The following KSR2 variants were observed in gnomAD, a reference collection of about 807,000 sequenced individuals.
KSR2 encodes the protein kinase suppressor of ras 2.
A neutral mutation model predicts 107.8 loss-of-function variants in KSR2; 25 were observed. That is an observed-to-expected ratio of 0.23 (90% confidence interval 0.17 to 0.32). The LOEUF (loss-of-function observed/expected upper bound fraction) is 0.32, where lower values mean the gene tolerates loss of function less well. KSR2 is among the 10% of genes least tolerant of loss of function. The pLI, the probability that KSR2 is intolerant of heterozygous loss-of-function variation, is 1.00. For missense variants in KSR2, 887 were observed against 1,268.9 expected, an observed-to-expected ratio of 0.70 and a Z score of 4.57; for synonymous variants, 480 against 507.0, an observed-to-expected ratio of 0.95 and a Z score of 0.71.
intron 5 of KSR2, among the ~76,000 whole-genome samples, chr12:117,601,041 G>A (rs1261886179): frequency 6.6e-6 from 1 of 152,118 alleles, no homozygotes; most frequent in Non-Finnish European, 1.5e-5. Context: ...ACCGTGCCTG[G>A]TGGCTGTAGG....
intron 6 of KSR2, among the ~76,000 whole-genome samples, chr12:117,579,970 G>A (rs931196138): frequency 8.5e-5 from 13 of 152,180 alleles, no homozygotes; most frequent in African/African-American, 3.1e-4. Context: ...ATATGAGGCA[G>A]CAGCAGGACT....
chr12:117,924,027 C>T (rs577091216), intron 1 of KSR2, among the ~76,000 whole-genome samples: 22 of 150,888 alleles, frequency 1.5e-4, no homozygotes, highest in Non-Finnish European at 5.9e-5. Flanking sequence ...TACAGGCATG[C>T]GCCACCACGC....
At chr12:117,848,099 C>T (rs2592295) in intron 3 of KSR2, among the ~76,000 whole-genome samples, 11,487 of 152,218 alleles carry the variant, frequency 0.075, 578 homozygotes, top group Non-Finnish European at 0.12. Context: ...ATTATCTTGA[C>T]CAGAGGTTTT....
At chr12:117,696,712 G>T (rs1886074661) in intron 4 of KSR2, among the ~76,000 whole-genome samples, 1 of 152,160 alleles carries the variant, frequency 6.6e-6, no homozygotes, top group African/African-American at 2.4e-5. Context: ...TACCTATTAT[G>T]TTCATTAATG....
intron 1 of KSR2, among the ~76,000 whole-genome samples, chr12:117,906,052 T>TAA (rs56062908): frequency 6.6e-6 from 1 of 151,690 alleles, no homozygotes; most frequent in Non-Finnish European, 1.5e-5. Context: ...GAGAAACACT[T>TAA]AAAAAAACCG....
In KSR2 at chr12:117,710,915, G is replaced by A. The variant is rs569594252; in HGVS notation, c.987-43257C>T. ...CTGCCTCAAGACCTTTGCACATGCC[G>A]TTCCCTCTGTCTGGAACAGTCTTCA... On this transcript the variant is annotated intron_variant, in intron 4 of 19. Coordinates refer to ENST00000339824, the MANE Select transcript of KSR2 (RefSeq NM_173598.6). Among the ~76,000 whole-genome samples the A allele has an allele frequency of 4.1e-4, 63 of 151,984 alleles. No individual in the cohort carries two copies. In the South Asian group the frequency reaches 7.7e-3, roughly 19 times the overall value.
intron 1 of KSR2, among the ~76,000 whole-genome samples, chr12:117,928,571 T>C (rs1156927581): frequency 6.6e-6 from 1 of 152,232 alleles, no homozygotes; most frequent in Non-Finnish European, 1.5e-5. Context: ...TATCTGCTCG[T>C]GGACACTTGG....
chr12:117,732,601 T>C (rs947683034), intron 4 of KSR2, among the ~76,000 whole-genome samples: 12 of 152,302 alleles, frequency 7.9e-5, no homozygotes, highest in African/African-American at 2.9e-4. Flanking sequence ...TGAAAATTAC[T>C]GAGCAGCACT....
chr12:117,807,316 G>C (rs539227344), intron 3 of KSR2, among the ~76,000 whole-genome samples: 3 of 152,194 alleles, frequency 2.0e-5, no homozygotes, highest in African/African-American at 7.2e-5. Flanking sequence ...ACCAGAGTGA[G>C]GGCTTAGATG....
chr12:117,687,305 A>G (rs575021492), intron 4 of KSR2, among the ~76,000 whole-genome samples: 1 of 152,156 alleles, frequency 6.6e-6, no homozygotes, highest in South Asian at 2.1e-4. Flanking sequence ...ACCAGTGTGG[A>G]ATTTCTAATA....
intron 5 of KSR2, among the ~76,000 whole-genome samples, chr12:117,647,721 C>T (rs17618840): frequency 0.042 from 6,345 of 151,952 alleles, 288 homozygotes; most frequent in East Asian, 0.24. Flanking sequence ...CTGACCCATC[C>T]GTTTTTGTTC....
At chr12:117,621,577 A>T (rs1882197482) in intron 5 of KSR2, among the ~76,000 whole-genome samples, 1 of 152,198 alleles carries the variant, frequency 6.6e-6, no homozygotes, top group South Asian at 2.1e-4. Flanking sequence ...GGGCTGGTAC[A>T]GAGCAAGAAT....
At chr12:117,658,415 A>T (rs1884278488) in intron 5 of KSR2, among the ~76,000 whole-genome samples, 1 of 152,238 alleles carries the variant, frequency 6.6e-6, no homozygotes, top group Admixed American at 6.5e-5. Context: ...GTCACAGTCT[A>T]CATCCCATGA....
intron 7 of KSR2, among the ~76,000 whole-genome samples, chr12:117,574,785 C>T (rs148116973): frequency 4.0e-5 from 6 of 151,574 alleles, no homozygotes; most frequent in East Asian, 3.9e-4. Context: ...TGTCAGGTGA[C>T]GCTGATGGTG....
chr12:117,501,484 T>C (rs1226362952), intron 14 of KSR2, among the ~76,000 whole-genome samples: 2 of 152,200 alleles, frequency 1.3e-5, no homozygotes, highest in African/African-American at 2.4e-5. Context: ...ACTTGCTCAC[T>C]CAGTCAACCA....
intron 3 of KSR2, among the ~76,000 whole-genome samples, chr12:117,819,948 T>C (rs1170520643): frequency 6.6e-6 from 1 of 152,228 alleles, no homozygotes; most frequent in East Asian, 1.9e-4. Flanking sequence ...CTAAAAGGTT[T>C]TATAATTAAA....
intron 10 of KSR2, among the ~76,000 whole-genome samples, chr12:117,535,270 A>AG (rs1875960511): frequency 6.6e-6 from 1 of 152,232 alleles, no homozygotes. Context: ...CATTCATTCA[A>AG]CAAACATGTA....
At chr12:117,736,324 A>C (rs377752332) in intron 4 of KSR2, among the ~76,000 whole-genome samples, 1 of 152,102 alleles carries the variant, frequency 6.6e-6, no homozygotes, top group East Asian at 1.9e-4. Flanking sequence ...CTCCTTTAGT[A>C]CTTCATAAAC....
intron 1 of KSR2, among the ~76,000 whole-genome samples, chr12:117,879,531 G>A (rs1265094105): frequency 4.6e-5 from 7 of 152,016 alleles, no homozygotes; most frequent in South Asian, 2.1e-4. Flanking sequence ...CCTGGGCAAC[G>A]TGGCAAAACC....
Sources: gnomAD v4.1 joint callset for allele counts (sites outside exome capture counted in the v4.1 genomes callset) on GRCh38, gnomAD v4.1.1 for gene constraint, MANE v1.5 for transcripts, NCBI Gene and HGNC (gene_info 2026-07-23, HGNC 2026-07-21) for gene names.